Variants in SLC4A5 observed in about 807,000 individuals in gnomAD.
The protein encoded by SLC4A5 is electrogenic sodium bicarbonate cotransporter 4.
Under a neutral mutation model 120.4 loss-of-function variants are expected in SLC4A5, and 96 were observed. The ratio of observed to expected loss-of-function variants is 0.80; its 90% CI spans 0.68 to 0.94. SLC4A5 has a LOEUF of 0.94. Among genes scored for constraint, SLC4A5 ranks in the 40% least tolerant of loss-of-function variants. The pLI is 0.00. For synonymous variants in SLC4A5, 550 were observed against 571.1 expected, an observed-to-expected ratio of 0.96 and a Z score of 0.53; for missense variants, 1,259 against 1,459.5, an observed-to-expected ratio of 0.86 and a Z score of 2.24.
chr2:74,239,234 T>C (rs527442548), intron 21 of SLC4A5, 101 bp downstream of exon 21: 4 of 1,121,752 alleles, frequency 3.6e-6, no homozygotes, highest in Middle Eastern at 5.1e-4. Flanking sequence ...AGTGGGCCAG[T>C]GCTCGCATGG....
rs1366037232 is a variant in SLC4A5 at position 74,303,219 on chromosome 2, TAC to T, written c.271+1268_271+1269del. Among the ~76,000 whole-genome samples, 5 of 152,246 alleles carry T rather than the reference TAC, an allele frequency of 3.3e-5. No individual in the cohort carries two copies. The East Asian group carries it at 9.6e-4, about 29-fold the overall frequency. On this transcript the variant is annotated intron_variant, in intron 7 of 30. Transcript: ENST00000394019. ...ACCCCATCTCCTACAAAGGCACATT[TAC>T]TCTGTAAAAGCCACAGGCCCTGGTC...
At chr2:74,227,264 G>T in intron 26 of SLC4A5, 134 bp from the exon 27 acceptor site, 1 of 1,083,414 alleles carries the variant, frequency 9.2e-7, no homozygotes, top group Non-Finnish European at 1.3e-6. Flanking sequence ...GGATGCACGG[G>T]AGGGGGGCTG....
intron 6 of SLC4A5, 78 bp downstream of exon 6, chr2:74,314,867 G>C: frequency 7.5e-7 from 1 of 1,327,038 alleles, no homozygotes; most frequent in Non-Finnish European, 1.1e-6. Flanking sequence ...CTCTCCTGCT[G>C]AAAGAGCTGT....
Position 74,255,810 on chromosome 2 carries a change from C to CG in SLC4A5, c.989_990insC (p.Met330IlefsTer30). On this transcript the variant is annotated frameshift_variant, in exon 13 of 31. Coordinates refer to ENST00000394019, the Ensembl canonical transcript of SLC4A5. LOFTEE classifies it high-confidence loss of function. The surrounding 1 kb of genome is among the most constrained non-coding windows in gnomAD (Gnocchi z 4.0). ...CAGGCACCTCGGTCACTCCTCCCAG[C>CG]ATGGCCGACTGGATGAGGCGCACGA... 6.2e-7 allele frequency: 1 copy of CG among 1,614,218 alleles called. No individual in the cohort carries two copies. The highest frequency in any genetic ancestry group is 8.5e-7 in the Non-Finnish European group (1 of 1,180,036).
At chr2:74,335,327 A>G (rs1276153754) in intron 3 of SLC4A5, among the ~76,000 whole-genome samples, 3 of 152,144 alleles carry the variant, frequency 2.0e-5, no homozygotes, top group African/African-American at 7.2e-5. Context: ...GGCACACACT[A>G]TTGGGAATCA....
Position 74,298,229 on chromosome 2 carries a change from T to G in SLC4A5, c.271+6260A>C, listed in dbSNP as rs561378592. Among the ~76,000 whole-genome samples the G allele has an allele frequency of 3.9e-5, 6 of 152,322 alleles. No individual in the cohort carries two copies. The East Asian group carries it at 7.7e-4, about 20-fold the overall frequency. ...TGGTACTGGCATTAAGACAGGCACG[T>G]GGACCAAGGGAATATAATAGAAAGC... On this transcript the variant is annotated intron_variant, in intron 7 of 30. Transcript: ENST00000394019.
intron 7 of SLC4A5, among the ~76,000 whole-genome samples, chr2:74,299,322 TC>T (rs1672413017): frequency 6.6e-6 from 1 of 152,106 alleles, no homozygotes; most frequent in Non-Finnish European, 1.5e-5. Flanking sequence ...TTGCACTCCA[TC>T]CTGGGCAATA....
intron 4 of SLC4A5, among the ~76,000 whole-genome samples, chr2:74,330,508 T>C (rs1425081190): frequency 1.3e-5 from 2 of 148,942 alleles, no homozygotes; most frequent in African/African-American, 5.0e-5. Context: ...TGGTGAGGTC[T>C]AGATGGAGGT....
rs59538523 is a variant in SLC4A5, at chr2:74,264,489, CGTGTGT to C, written c.563-196_563-191del. Among the ~76,000 whole-genome samples, 537 of 143,744 alleles carry C rather than the reference CGTGTGT, an allele frequency of 3.7e-3. 8 individuals carry two copies. Among genetic ancestry groups the C allele is most frequent in the African/African-American group, 0.012 (443 of 38,354 alleles). 94.3% of individuals were successfully genotyped at this position (143,744 alleles called of 152,430 possible). A position where few individuals can be genotyped will look rare whatever the true frequency, so the allele number is the denominator to read the frequency against. On this transcript the variant is annotated intron_variant, in intron 9 of 30. Transcript: ENST00000394019. Reference sequence around the variant, plus strand: ...CTTGGCCTCCTCCTGTTCAAGGGCACGTGTGTGTGTGTGTGTGTGTGTGTGTGTGTG... The same window carrying C: ...CTTGGCCTCCTCCTGTTCAAGGGCACGTGTGTGTGTGTGTGTGTGTGTGTG...
intron 30 of SLC4A5, among the ~76,000 whole-genome samples, chr2:74,219,088 T>C (rs539602279): frequency 4.7e-4 from 72 of 152,224 alleles, no homozygotes; most frequent in African/African-American, 1.7e-3. Context: ...GTGTCTTGTC[T>C]TCTCACAAAC....
At chr2:74,327,900 C>G (rs1275888567) in intron 5 of SLC4A5, among the ~76,000 whole-genome samples, 2 of 152,144 alleles carry the variant, frequency 1.3e-5, no homozygotes, top group African/African-American at 2.4e-5. Context: ...GTTTTGCACC[C>G]AAAAACCTCA....
chr2:74,265,475 G>A (rs901815239), intron 8 of SLC4A5, among the ~76,000 whole-genome samples: 36 of 152,246 alleles, frequency 2.4e-4, no homozygotes, highest in Non-Finnish European at 5.1e-4. Context: ...GTGGCATCCA[G>A]AGAAGTATAC....
rs751323409 is a variant in SLC4A5, at chr2:74,262,199, G to C, written c.749C>G (p.Pro250Arg). 6 of 1,535,104 alleles carry C rather than the reference G, an allele frequency of 3.9e-6. No individual in the cohort carries two copies. Among genetic ancestry groups the C allele is most frequent in the South Asian group, 1.2e-5 (1 of 83,698 alleles). ...GTCTTCCGTGGAGTGGTGTAGACTC[G>C]GGCCAGCACCAGGGCTCCGGGCAGG... is the stretch of plus-strand genomic sequence containing the variant. Residue 250 changes from proline (P) to arginine (R), a missense_variant, in exon 11 of 31, where the codon CCG becomes CGG. Physicochemically the swap from Pro to Arg is moderately radical, Grantham distance 103 (BLOSUM62 -2). Coordinates refer to ENST00000394019, the Ensembl canonical transcript of SLC4A5.
Position 74,330,767 on chromosome 2 carries a change from C to A in SLC4A5, c.-69-2581G>T, listed in dbSNP as rs1204521362. Among the ~76,000 whole-genome samples, 38 of 134,732 alleles carry A rather than the reference C, an allele frequency of 2.8e-4. 1 individual carries two copies. The Admixed American group carries it at 2.9e-3, about 10-fold the overall frequency. The allele number at this position is 134,732 out of a possible 152,430, so 88.4% of individuals were successfully genotyped here. A position where few individuals can be genotyped will look rare whatever the true frequency, so the allele number is the denominator to read the frequency against. ...GAGGTCTATATGGAGGTGCTGATGT[C>A]TACATGGAGGTGGTGAGGTCTAGAT... On this transcript the variant is annotated intron_variant, in intron 4 of 30. Transcript: ENST00000394019.
chr2:74,227,650 T>G, intron 26 of SLC4A5, 160 bp downstream of exon 26: 1 of 1,215,780 alleles, frequency 8.2e-7, no homozygotes, highest in Non-Finnish European at 1.2e-6. Context: ...TTTTGCCTGA[T>G]AGCATCAGTA....
chr2:74,265,729 G>A, intron 8 of SLC4A5, among the ~76,000 whole-genome samples: 1 of 152,162 alleles, frequency 6.6e-6, no homozygotes, highest in Non-Finnish European at 1.5e-5. Flanking sequence ...AATGTTCCCT[G>A]ACGAAAAGTA....
At chr2:74,283,420 A>C (rs1293028494) in intron 8 of SLC4A5, among the ~76,000 whole-genome samples, 2 of 152,234 alleles carry the variant, frequency 1.3e-5, no homozygotes, top group Non-Finnish European at 2.9e-5. Context: ...AATGGCTTCC[A>C]CACAGGGACC....
chr2:74,225,893 G>C (rs1223184317), intron 27 of SLC4A5, among the ~76,000 whole-genome samples: 2 of 152,184 alleles, frequency 1.3e-5, no homozygotes, highest in African/African-American at 4.8e-5. Flanking sequence ...CATGCTCTCT[G>C]AGCCTCATTT....
intron 21 of SLC4A5, among the ~76,000 whole-genome samples, chr2:74,238,600 G>C (rs1010552862): frequency 6.6e-6 from 1 of 152,144 alleles, no homozygotes; most frequent in Non-Finnish European, 1.5e-5. Flanking sequence ...AGGAAGTATT[G>C]CAAAGCAATG....
Sources: allele counts gnomAD v4.1 joint callset (sites outside exome capture counted in the v4.1 genomes callset), GRCh38; gene constraint gnomAD v4.1.1; non-coding constraint Gnocchi (gnomAD v3.1); transcripts MANE v1.5; gene names NCBI Gene and HGNC (gene_info 2026-07-23, HGNC 2026-07-21).